The following WDR25 variants were observed in gnomAD, a reference collection of about 807,000 sequenced individuals.
The protein encoded by WDR25 is WD repeat-containing protein 25.
In WDR25, 35 loss-of-function variants were observed where a neutral mutation model predicts 47.7. The observed-to-expected ratio is 0.73, with a 90% CI of 0.56 to 0.97. The LOEUF is 0.97. Among genes scored for constraint, WDR25 ranks in the 50% least tolerant of loss-of-function variants. The probability of loss-of-function intolerance (pLI) is 0.00; values close to 1 mark genes in which losing one functional copy is unlikely to be tolerated. For synonymous variants in WDR25, 248 were observed against 278.9 expected (o/e 0.89, Z 1.10); for missense variants, 634 against 704.7 (o/e 0.90, Z 1.14).
At chr14:100,448,577 T>G (rs557026668) in intron 2 of WDR25, among the ~76,000 whole-genome samples, 1 of 152,258 alleles carries the variant, frequency 6.6e-6, no homozygotes, top group Non-Finnish European at 1.5e-5. Flanking sequence ...GTGGCCCAGT[T>G]ACACTATCTC....
At chr14:100,399,547 C>T (rs1242385754) in intron 2 of WDR25, among the ~76,000 whole-genome samples, 2 of 152,224 alleles carry the variant, frequency 1.3e-5, no homozygotes, top group African/African-American at 4.8e-5. Flanking sequence ...CCCTCTCGCT[C>T]TCTCTTGCCA....
At chr14:100,452,346 G>C (rs891034809) in intron 2 of WDR25, among the ~76,000 whole-genome samples, 1 of 152,162 alleles carries the variant, frequency 6.6e-6, no homozygotes, top group African/African-American at 2.4e-5. Flanking sequence ...TACCCCCATG[G>C]AACTTACATT....
At chr14:100,495,990 G>C (rs1772751308) in intron 4 of WDR25, among the ~76,000 whole-genome samples, 1 of 152,152 alleles carries the variant, frequency 6.6e-6, no homozygotes, top group Non-Finnish European at 1.5e-5. Context: ...CATATGGTTG[G>C]TAGCTGTTTT....
At chr14:100,385,784 A>T (rs1897005448) in intron 2 of WDR25, among the ~76,000 whole-genome samples, 1 of 152,100 alleles carries the variant, frequency 6.6e-6, no homozygotes, top group Admixed American at 6.5e-5. Context: ...TCTCCCAGTG[A>T]ACTCTTTTGG....
rs1422466672 is a variant in WDR25 at position 100,404,058 on chromosome 14, G to A, written c.822+22312G>A. Reference sequence around the variant, plus strand: ...GTACCCAGTATCACAAGAGCTCAAGGTGGCTGCTCCCTGACATTCACTTTT... The same window carrying A: ...GTACCCAGTATCACAAGAGCTCAAGATGGCTGCTCCCTGACATTCACTTTT... On this transcript the variant is annotated intron_variant, in intron 2 of 6. Coordinates refer to ENST00000402312, the MANE Select transcript of WDR25 (RefSeq NM_001161476.3). This position sits in a 1 kb window ranked among gnomAD's most constrained non-coding sequence, Gnocchi z 4.6. Among the ~76,000 whole-genome samples the A allele has an allele frequency of 1.3e-5, 2 of 152,220 alleles. No homozygotes were observed. Among genetic ancestry groups the A allele is most frequent in the Non-Finnish European group, 2.9e-5 (2 of 68,046 alleles).
chr14:100,470,140 A>G (rs755840684), intron 3 of WDR25, among the ~76,000 whole-genome samples: 4 of 152,188 alleles, frequency 2.6e-5, no homozygotes, highest in Admixed American at 6.5e-5. Context: ...GAGAATTAGG[A>G]TGGAGGAGGT....
intron 4 of WDR25, among the ~76,000 whole-genome samples, chr14:100,491,946 T>C (rs1433614508): frequency 6.6e-6 from 1 of 152,248 alleles, no homozygotes; most frequent in Non-Finnish European, 1.5e-5. Context: ...TTCAGCTGTC[T>C]GTGCAGGGTA....
Position 100,382,056 on chromosome 14 carries a change from C to A in WDR25, c.822+310C>A, listed in dbSNP as rs1008525860. The stretch of plus-strand genomic sequence containing the variant: ...AGAAAAGCAGGCCCAGGACCAAGCC[C>A]TGGGGACTGGGGACATCCTCGGTGA... On this transcript the variant is annotated intron_variant, in intron 2 of 6. Transcript: ENST00000402312. 4.1e-5 allele frequency: 29 copies of A among 702,796 alleles called. No individual in the cohort carries two copies. In the African/African-American group the frequency reaches 4.9e-4, roughly 12 times the overall value. The allele number at this position is 702,796 out of a possible 1,614,324, so 43.5% of individuals were successfully genotyped here.
chr14:100,452,203 C>A (rs1337395125), intron 2 of WDR25, among the ~76,000 whole-genome samples: 1 of 152,188 alleles, frequency 6.6e-6, no homozygotes, highest in Non-Finnish European at 1.5e-5. Context: ...TTCCATCCAT[C>A]CATCCATCCA....
At chr14:100,411,063 G>A (rs192927672) in intron 2 of WDR25, among the ~76,000 whole-genome samples, 14 of 152,268 alleles carry the variant, frequency 9.2e-5, no homozygotes, top group African/African-American at 3.4e-4. Context: ...GATTATAGGT[G>A]TGAGCCACCC....
chr14:100,450,533 TG>T (rs1898994066), intron 2 of WDR25, among the ~76,000 whole-genome samples: 1 of 152,242 alleles, frequency 6.6e-6, no homozygotes, highest in African/African-American at 2.4e-5. Context: ...GATAGCAGAC[TG>T]GCATAAATAT....
chr14:100,429,057 G>C (rs996568917), intron 2 of WDR25, among the ~76,000 whole-genome samples: 1 of 152,140 alleles, frequency 6.6e-6, no homozygotes, highest in African/African-American at 2.4e-5. Context: ...GTAGATACTC[G>C]TTTGTAACAT....
intron 4 of WDR25, among the ~76,000 whole-genome samples, chr14:100,514,061 A>G (rs113159755): frequency 0.15 from 22,108 of 150,856 alleles, 4,494 homozygotes; most frequent in African/African-American, 0.46. Context: ...TCAGCCTCCC[A>G]AGTAGCTGGG....
In WDR25 at chr14:100,412,190, G is replaced by C. The variant is rs1226212108; in HGVS notation, c.822+30444G>C. Among the ~76,000 whole-genome samples, 3 of 138,130 alleles carry C rather than the reference G, an allele frequency of 2.2e-5. No individual in the cohort carries two copies. The East Asian group carries it at 6.5e-4, about 30-fold the overall frequency. The allele number at this position is 138,130 out of a possible 152,430, so 90.6% of individuals were successfully genotyped here. The stretch of plus-strand genomic sequence containing the variant: ...CCATCGCACTCCAGCCTGGGTGACA[G>C]AGTGAGACCCTGTCTCAAAAAAAAA... On this transcript the variant is annotated intron_variant, in intron 2 of 6. Transcript: ENST00000402312.
At chr14:100,521,629 T>C (rs2029879754) in intron 4 of WDR25, among the ~76,000 whole-genome samples, 1 of 152,236 alleles carries the variant, frequency 6.6e-6, no homozygotes, top group Non-Finnish European at 1.5e-5. Flanking sequence ...AGAGTATTAA[T>C]GTACTAGAGT....
chr14:100,518,720 G>A (rs1045607077), intron 4 of WDR25, among the ~76,000 whole-genome samples: 12 of 151,768 alleles, frequency 7.9e-5, no homozygotes, highest in African/African-American at 2.9e-4. Flanking sequence ...GTGACACCCC[G>A]TCTCTACTAA....
chr14:100,484,205 C>G, intron 4 of WDR25, 81 bp downstream of exon 4: 1 of 1,492,532 alleles, frequency 6.7e-7, no homozygotes, highest in Non-Finnish European at 9.0e-7. Context: ...AGGTCAGCAT[C>G]TATATATAGG....
chr14:100,397,894 AG>A (rs546982845), intron 2 of WDR25, among the ~76,000 whole-genome samples: 43 of 152,326 alleles, frequency 2.8e-4, no homozygotes, highest in African/African-American at 1.0e-3. Context: ...GCTGGAGTGC[AG>A]TGGTGTGGTC....
At chr14:100,402,207 G>C (rs1453891861) in intron 2 of WDR25, among the ~76,000 whole-genome samples, 1 of 152,132 alleles carries the variant, frequency 6.6e-6, no homozygotes. Context: ...AGTGTCCTCT[G>C]TCAAAAGGTA....
Sources: allele counts gnomAD v4.1 joint callset (sites outside exome capture counted in the v4.1 genomes callset), GRCh38; gene constraint gnomAD v4.1.1; non-coding constraint Gnocchi (gnomAD v3.1); transcripts MANE v1.5; gene names NCBI Gene and HGNC (gene_info 2026-07-23, HGNC 2026-07-21).